Variants in MSH3 observed in about 807,000 individuals in gnomAD.
MSH3 encodes mutS homolog 3, also known as DNA mismatch repair protein Msh3.
Under a neutral mutation model 123.3 loss-of-function variants are expected in MSH3, and 106 were observed. That is an observed-to-expected ratio of 0.86 (90% CI 0.73 to 1.01). MSH3 has a LOEUF of 1.01. Among genes scored for constraint, MSH3 ranks in the 50% least tolerant of loss-of-function variants. MSH3 has a pLI of 0.00. For missense variants in MSH3, 1,459 were observed against 1,347.6 expected, an observed-to-expected ratio of 1.08 and a Z score of -1.29; for synonymous variants, 515 against 481.4, an observed-to-expected ratio of 1.07 and a Z score of -0.91.
intron 23 of MSH3, among the ~76,000 whole-genome samples, chr5:80,874,403 A>G (rs908347211): frequency 2.0e-5 from 3 of 152,186 alleles, no homozygotes; most frequent in African/African-American, 7.2e-5. Context: ...TTTCTGGCTC[A>G]TTTCCAAATT....
intron 20 of MSH3, among the ~76,000 whole-genome samples, chr5:80,845,443 G>C (rs1297344623): frequency 2.0e-5 from 3 of 152,028 alleles, no homozygotes; most frequent in Non-Finnish European, 4.4e-5. Context: ...TTTGAATGTT[G>C]GCCTGCCTTG....
chr5:80,731,151 A>T (rs403236), intron 10 of MSH3, among the ~76,000 whole-genome samples: 1 of 151,904 alleles, frequency 6.6e-6, no homozygotes, highest in African/African-American at 2.4e-5. Flanking sequence ...TGATCTGCCC[A>T]CTTGGCCTCC....
In MSH3 at chr5:80,744,433, C is replaced by T. The variant is rs55790689; in HGVS notation, c.1654-73C>T. On this transcript the variant is annotated intron_variant, in intron 11 of 23. Transcript: ENST00000265081. ...GCTAGGTATATATGACATTTAGAAT[C>T]GGGGTATATGAAATAACAATTTGGC... is the stretch of plus-strand genomic sequence containing the variant. 321 of 1,034,128 alleles carry T rather than the reference C, an allele frequency of 3.1e-4. 2 individuals are homozygous for T. In the East Asian group the frequency reaches 7.4e-3, roughly 24 times the overall value. The allele number at this position is 1,034,128 out of a possible 1,614,324, so 64.1% of individuals were successfully genotyped here.
chr5:80,750,121 A>C (rs1368441298), intron 12 of MSH3, among the ~76,000 whole-genome samples: 2 of 93,692 alleles, frequency 2.1e-5, no homozygotes, highest in Non-Finnish European at 3.9e-5. Context: ...GTCACATTTA[A>C]AAAATCTATT....
At position 80,665,193 on chromosome 5, in the gene MSH3, T is replaced by A; in HGVS notation, c.409T>A (p.Leu137Met). The change falls in exon 3 of 24, where the codon TTG becomes ATG. Residue 137 changes from leucine to methionine, a missense_variant. Leu to Met is a conservative substitution (Grantham distance 15). Coordinates refer to ENST00000265081, the MANE Select transcript of MSH3 (RefSeq NM_002439.5). ...TRNVSKSLEK[L>M]KEFCCDSALP... ...GAATGTTTCAAAGTCTCTGGAAAAA[T>A]TGAAAGAATTCTGCTGCGATTCTGC... 1 of 1,613,986 alleles carries A rather than the reference T, an allele frequency of 6.2e-7. No individual in the cohort carries two copies.
chr5:80,670,010 C>A, intron 3 of MSH3, 87 bp from the exon 4 acceptor site: 1 of 1,275,926 alleles, frequency 7.8e-7, no homozygotes. Flanking sequence ...TAAGTGTTAG[C>A]TTTTTGCCAG....
chr5:80,762,810 G>A (rs962656500), intron 13 of MSH3, among the ~76,000 whole-genome samples: 1 of 146,522 alleles, frequency 6.8e-6, no homozygotes, highest in African/African-American at 2.5e-5. Context: ...GTTATGTTAT[G>A]TTATGTTATG....
intron 17 of MSH3, among the ~76,000 whole-genome samples, chr5:80,783,948 G>A (rs541995022): frequency 5.3e-5 from 8 of 152,202 alleles, no homozygotes; most frequent in African/African-American, 1.9e-4. Context: ...AGTGGCTCAT[G>A]CCTGTAATCC....
At chr5:80,666,230 G>C (rs1255508792) in intron 3 of MSH3, among the ~76,000 whole-genome samples, 2 of 152,136 alleles carry the variant, frequency 1.3e-5, no homozygotes, top group African/African-American at 2.4e-5. Context: ...ATCTGTAGCT[G>C]TGATTGACAA....
chr5:80,738,780 G>A (rs1743559796), intron 10 of MSH3, among the ~76,000 whole-genome samples: 1 of 152,196 alleles, frequency 6.6e-6, no homozygotes, highest in African/African-American at 2.4e-5. Flanking sequence ...AAATTCACAT[G>A]TTGAAACCTA....
intron 12 of MSH3, among the ~76,000 whole-genome samples, chr5:80,745,227 C>T (rs1007832399): frequency 6.6e-6 from 1 of 152,172 alleles, no homozygotes; most frequent in Non-Finnish European, 1.5e-5. Context: ...ATGCCTGTGT[C>T]CAGCCCCCAT....
At chr5:80,746,001 A>G (rs1743712691) in intron 12 of MSH3, among the ~76,000 whole-genome samples, 2 of 151,916 alleles carry the variant, frequency 1.3e-5, no homozygotes, top group Admixed American at 6.6e-5. Flanking sequence ...TTACAATGCC[A>G]ACTTTAAAAG....
chr5:80,791,707 T>G (rs1260038150), intron 18 of MSH3, among the ~76,000 whole-genome samples: 1 of 152,198 alleles, frequency 6.6e-6, no homozygotes, highest in East Asian at 1.9e-4. Context: ...AATCTATTTT[T>G]TGTGTGTGTA....
intron 17 of MSH3, among the ~76,000 whole-genome samples, chr5:80,786,681 TTTAA>T (rs1321890906): frequency 2.6e-5 from 4 of 152,224 alleles, no homozygotes; most frequent in Non-Finnish European, 5.9e-5. Flanking sequence ...CTTTTTGTAG[TTTAA>T]TTATGTACAC....
In MSH3 at chr5:80,658,065, C is replaced by T. The variant is rs562623016; in HGVS notation, c.358+1534C>T. ...TTTTTTTTTTTGAGATAGGGTCTCTCGCTCTGTCACCCAGGCTGGAGTGCA... is the reference window on the plus strand; with the variant it reads ...TTTTTTTTTTTGAGATAGGGTCTCTTGCTCTGTCACCCAGGCTGGAGTGCA... On this transcript the variant is annotated intron_variant, in intron 2 of 23. Transcript: ENST00000265081. 2.4e-3 allele frequency among the ~76,000 whole-genome samples: 194 copies of T among 79,998 alleles called. 1 individual carries two copies. The highest frequency in any genetic ancestry group is 0.013 in the African/African-American group (187 of 14,580). 52.5% of individuals were successfully genotyped at this position (79,998 alleles called of 152,430 possible).
chr5:80,859,857 T>C (rs1007857530), intron 21 of MSH3, among the ~76,000 whole-genome samples: 3 of 151,918 alleles, frequency 2.0e-5, no homozygotes, highest in Non-Finnish European at 4.4e-5. Flanking sequence ...GGAGTACAGG[T>C]GCATGGCACT....
chr5:80,754,555 A>G (rs1428557441), intron 12 of MSH3, among the ~76,000 whole-genome samples: 4 of 152,208 alleles, frequency 2.6e-5, no homozygotes, highest in Non-Finnish European at 4.4e-5. Context: ...TACTCACTCT[A>G]TAACTCAATA....
At chr5:80,661,568 GCTC>G (rs968062279) in intron 2 of MSH3, among the ~76,000 whole-genome samples, 1 of 139,384 alleles carries the variant, frequency 7.2e-6, no homozygotes, top group African/African-American at 2.7e-5. Context: ...AATTCCTTTT[GCTC>G]CTCTTTTTGC....
chr5:80,687,005 G>T (rs1023096931), intron 8 of MSH3, among the ~76,000 whole-genome samples: 2 of 152,046 alleles, frequency 1.3e-5, no homozygotes, highest in African/African-American at 4.8e-5. Flanking sequence ...ACTGTTTAAT[G>T]GTTACTAAAA....
Sources: gnomAD v4.1 joint callset for allele counts (sites outside exome capture counted in the v4.1 genomes callset) on GRCh38, gnomAD v4.1.1 for gene constraint, MANE v1.5 for transcripts, NCBI Gene and HGNC (gene_info 2026-07-23, HGNC 2026-07-21) for gene names.